The following ST8SIA6 variants were observed in gnomAD, a reference collection of about 807,000 sequenced individuals.
The protein encoded by ST8SIA6 is ST8 alpha-N-acetyl-neuraminide alpha-2,8-sialyltransferase 6.
ST8SIA6 carries 39 observed loss-of-function variants against 33.6 expected under a neutral mutation model. The observed-to-expected ratio is 1.16, with a 90% CI of 0.90 to 1.52. The LOEUF (loss-of-function observed/expected upper bound fraction) is 1.52, where lower values mean the gene tolerates loss of function less well. Among genes scored for constraint, ST8SIA6 ranks in the 40% most tolerant of loss-of-function variants. The probability of loss-of-function intolerance (pLI) is 0.00; values close to 1 mark genes in which losing one functional copy is unlikely to be tolerated. For synonymous variants in ST8SIA6, 172 were observed against 167.2 expected (o/e 1.03, Z -0.22); for missense variants, 441 against 443.8 (o/e 0.99, Z 0.06).
intron 2 of ST8SIA6, among the ~76,000 whole-genome samples, chr10:17,427,104 A>G (rs78013605): frequency 8.7e-5 from 3 of 34,340 alleles, no homozygotes; most frequent in Non-Finnish European, 1.4e-4. Context: ...ACTGTGTCTG[A>G]AAAAAAAAAA....
intron 6 of ST8SIA6, among the ~76,000 whole-genome samples, chr10:17,326,543 TAC>T (rs1848134137): frequency 6.6e-6 from 1 of 152,210 alleles, no homozygotes; most frequent in African/African-American, 2.4e-5. Flanking sequence ...GAAATAATGA[TAC>T]AGTTTGCAGG....
intron 2 of ST8SIA6, among the ~76,000 whole-genome samples, chr10:17,430,408 C>T (rs1441683934): frequency 6.6e-6 from 1 of 152,150 alleles, no homozygotes; most frequent in Non-Finnish European, 1.5e-5. Context: ...GGCTAGATAC[C>T]TGATAGTGGG....
intron 4 of ST8SIA6, among the ~76,000 whole-genome samples, chr10:17,333,204 AAGG>A (rs1287539260): frequency 2.0e-5 from 3 of 152,152 alleles, no homozygotes; most frequent in Non-Finnish European, 4.4e-5. Flanking sequence ...GGACCTCTTC[AAGG>A]AGAACTACAA....
chr10:17,445,465 T>G (rs1292394960), intron 2 of ST8SIA6, among the ~76,000 whole-genome samples: 1 of 152,152 alleles, frequency 6.6e-6, no homozygotes, highest in Admixed American at 6.5e-5. Flanking sequence ...AATTTTCACC[T>G]CAGAAACAGA....
chr10:17,360,262 TTGAG>T (rs1254275989), intron 3 of ST8SIA6, among the ~76,000 whole-genome samples: 2 of 152,128 alleles, frequency 1.3e-5, no homozygotes, highest in Non-Finnish European at 2.9e-5. Context: ...AAGTATCCCT[TTGAG>T]TGAGAAAACT....
chr10:17,333,313 T>A lies in ST8SIA6; in HGVS notation c.378-1761A>T, dbSNP rs142507237. ...ATCAATATTGTGAAAACAGCCATACTGCCCAAAATAATTTATAGAGTCAAT... is the reference window on the plus strand; with the variant it reads ...ATCAATATTGTGAAAACAGCCATACAGCCCAAAATAATTTATAGAGTCAAT... On this transcript the variant is annotated intron_variant, in intron 4 of 7. Transcript: ENST00000377602. 2.2e-4 allele frequency among the ~76,000 whole-genome samples: 34 copies of A among 152,264 alleles called. No individual in the cohort carries two copies. In the East Asian group the frequency reaches 5.8e-3, roughly 26 times the overall value.
chr10:17,447,373 T>A (rs1464140204), intron 2 of ST8SIA6, among the ~76,000 whole-genome samples: 1 of 151,940 alleles, frequency 6.6e-6, no homozygotes, highest in Non-Finnish European at 1.5e-5. Context: ...GCCACTGCTC[T>A]CCAGCCTGGG....
rs1486504979 is a variant in ST8SIA6 at position 17,316,865 on chromosome 10, TTA to T, written c.*4011_*4012del. 6.6e-6 allele frequency among the ~76,000 whole-genome samples: 1 copy of T among 152,154 alleles called. No homozygotes were observed. The highest frequency in any genetic ancestry group is 2.4e-5 in the African/African-American group (1 of 41,454). ...TGTCTCTCTATTAATGTCATTAATTTTATGCATTACTAAAAGCTATTTCAGTC... is the reference window on the plus strand; with the variant it reads ...TGTCTCTCTATTAATGTCATTAATTTTGCATTACTAAAAGCTATTTCAGTC... On this transcript the variant is annotated 3_prime_UTR_variant, in exon 8 of 8. Transcript: ENST00000377602.
chr10:17,390,685 CA>C (rs901748033), intron 2 of ST8SIA6, 65 bp from the exon 3 acceptor site: 98 of 1,309,608 alleles, frequency 7.5e-5, no homozygotes, highest in Non-Finnish European at 1.0e-4. Context: ...ATATTGTTAA[CA>C]AAAATCAGAT....
intron 3 of ST8SIA6, among the ~76,000 whole-genome samples, chr10:17,380,321 C>G (rs910872709): frequency 6.6e-6 from 1 of 152,146 alleles, no homozygotes; most frequent in African/African-American, 2.4e-5. Context: ...TTTTAAACAA[C>G]AAAAGTTAGT....
chr10:17,437,626 C>CTTCG (rs1852315866), intron 2 of ST8SIA6, among the ~76,000 whole-genome samples: 1 of 119,954 alleles, frequency 8.3e-6, no homozygotes, highest in African/African-American at 3.2e-5. Flanking sequence ...TCCTTCCTTC[C>CTTCG]TTCCTTCCTT....
At chr10:17,330,681 A>G (rs949786801) in intron 5 of ST8SIA6, among the ~76,000 whole-genome samples, 2 of 152,214 alleles carry the variant, frequency 1.3e-5, no homozygotes, top group African/African-American at 4.8e-5. Context: ...TATTTTGACC[A>G]TCTTGATATG....
intron 2 of ST8SIA6, chr10:17,413,318 T>C (rs1851510353): frequency 6.6e-6 from 1 of 151,968 alleles, no homozygotes; most frequent in Non-Finnish European, 1.5e-5. Flanking sequence ...TAATAACATA[T>C]ATTTTCTCAA....
intron 2 of ST8SIA6, among the ~76,000 whole-genome samples, chr10:17,399,874 C>T (rs1302701178): frequency 6.7e-6 from 1 of 149,574 alleles, no homozygotes; most frequent in Non-Finnish European, 1.5e-5. Flanking sequence ...GCTTTGATTG[C>T]ACCACTGCAC....
intron 2 of ST8SIA6, among the ~76,000 whole-genome samples, chr10:17,440,234 T>C (rs1249728526): frequency 4.3e-5 from 6 of 140,642 alleles, no homozygotes. Flanking sequence ...TGAGACAGAG[T>C]CTCACTCTGT....
At chr10:17,383,410 T>A (rs749895560) in intron 3 of ST8SIA6, among the ~76,000 whole-genome samples, 2 of 152,232 alleles carry the variant, frequency 1.3e-5, no homozygotes, top group Non-Finnish European at 2.9e-5. Flanking sequence ...TGTATTTGTA[T>A]AAATATGTTA....
At position 17,454,528 on chromosome 10, in the gene ST8SIA6, C is replaced by G. The variant is rs1306849031; in HGVS notation, c.-273G>C. Among the ~76,000 whole-genome samples, 1 of 151,958 alleles carries G rather than the reference C, an allele frequency of 6.6e-6. No homozygotes were observed. Among genetic ancestry groups the G allele is most frequent in the Non-Finnish European group, 1.5e-5 (1 of 67,918 alleles). ...GGCTGGCAGATGACGATTCGCCGAG[C>G]TCGCCGCCTGTCCTCCCGGAGGCGC... is the stretch of plus-strand genomic sequence containing the variant. On this transcript the variant is annotated 5_prime_UTR_variant, in exon 1 of 8. Coordinates refer to ENST00000377602, the MANE Select transcript of ST8SIA6 (RefSeq NM_001004470.3). The surrounding 1 kb of genome is among the most constrained non-coding windows in gnomAD (Gnocchi z 4.1).
At chr10:17,427,540 GAACA>G (rs1851977183) in intron 2 of ST8SIA6, among the ~76,000 whole-genome samples, 2 of 152,232 alleles carry the variant, frequency 1.3e-5, no homozygotes, top group Admixed American at 1.3e-4. Context: ...CGAAGCCATA[GAACA>G]ATCAGCAGCT....
chr10:17,437,610 T>TTTCCTTCCTTCCTTCC (rs374960462), intron 2 of ST8SIA6, among the ~76,000 whole-genome samples: 11 of 98,024 alleles, frequency 1.1e-4, no homozygotes, highest in African/African-American at 5.3e-4. Flanking sequence ...GGACCCCCTG[T>TTTCCTTCCTTCCTTCC]TTCCTTCCTT....
Sources: allele counts gnomAD v4.1 joint callset (sites outside exome capture counted in the v4.1 genomes callset), GRCh38; gene constraint gnomAD v4.1.1; non-coding constraint Gnocchi (gnomAD v3.1); transcripts MANE v1.5; gene names NCBI Gene and HGNC (gene_info 2026-07-23, HGNC 2026-07-21).